VASN: variants seen among roughly 807,000 people sequenced by gnomAD.
The protein encoded by VASN is protein slit-like 2.
A neutral mutation model predicts 4.8 loss-of-function variants in VASN; 5 were observed. The observed-to-expected ratio is 1.03, with a 90% CI of 0.54 to 2.17. The LOEUF (loss-of-function observed/expected upper bound fraction) is 2.17, where lower values mean the gene tolerates loss of function less well. Ranked by LOEUF, VASN falls within the 30% of genes most tolerant of loss-of-function variation. The pLI, the probability that VASN is intolerant of heterozygous loss-of-function variation, is 0.01. For synonymous variants in VASN, 499 were observed against 460.8 expected (o/e 1.08, Z -1.06); for missense variants, 927 against 948.8 (o/e 0.98, Z 0.30).
chr16:4,374,197 G>A (rs1309339003), intron 1 of VASN, among the ~76,000 whole-genome samples: 2 of 151,712 alleles, frequency 1.3e-5, no homozygotes, highest in African/African-American at 2.4e-5. Context: ...GGGGGTGGGT[G>A]GGGGTGTTTG....
intron 1 of VASN, among the ~76,000 whole-genome samples, chr16:4,380,352 C>T (rs1214151588): frequency 6.6e-6 from 1 of 152,256 alleles, no homozygotes; most frequent in Non-Finnish European, 1.5e-5. Context: ...CCCATAGTTT[C>T]CATGTGAAGT....
rs980627203 is a variant in VASN at position 4,382,997 on chromosome 16, C to G, written c.*98C>G. 4 of 1,303,752 alleles carry G rather than the reference C, an allele frequency of 3.1e-6. No individual in the cohort carries two copies. The highest frequency in any genetic ancestry group is 3.1e-5 in the Admixed American group (1 of 32,196). 80.8% of individuals were successfully genotyped at this position (1,303,752 alleles called of 1,614,324 possible). A position where few individuals can be genotyped will look rare whatever the true frequency, so the allele number is the denominator to read the frequency against. On this transcript the variant is annotated 3_prime_UTR_variant, in exon 2 of 2. Transcript: ENST00000304735. ...CCACGTAAGTTCTCAGTCCCAACCT[C>G]GGGGATGTGTGCAGACAGGGCTGTG...
Position 4,382,582 on chromosome 16 carries a change from G to A in VASN, c.1705G>A (p.Ala569Thr). Reference sequence around the variant, plus strand: ...CTCCAACCACGCCCCAGTCACCCAGGCCCGCGAGGGCAACCTGCCGCTCCT... The same window carrying A: ...CTCCAACCACGCCCCAGTCACCCAGACCCGCGAGGGCAACCTGCCGCTCCT... ...VHSNHAPVTQ[A>T]REGNLPLLIA... Residue 569 changes from alanine (A) to threonine (T), a missense_variant, in exon 2 of 2, where the codon GCC (alanine) becomes ACC (threonine). Ala to Thr is a moderately conservative substitution (Grantham distance 58). Coordinates refer to ENST00000304735, the MANE Select transcript of VASN (RefSeq NM_138440.3). 6.3e-7 allele frequency: 1 copy of A among 1,587,658 alleles called. No individual in the cohort carries two copies. Among genetic ancestry groups the A allele is most frequent in the Non-Finnish European group, 8.6e-7 (1 of 1,169,310 alleles).
intron 1 of VASN, among the ~76,000 whole-genome samples, chr16:4,375,565 G>A (rs2054690308): frequency 1.3e-5 from 2 of 152,230 alleles, no homozygotes; most frequent in African/African-American, 2.4e-5. Flanking sequence ...TTGGCTCACT[G>A]CAAGCTCCGC....
intron 1 of VASN, among the ~76,000 whole-genome samples, chr16:4,376,068 A>G (rs572614575): frequency 6.6e-6 from 1 of 152,270 alleles, no homozygotes; most frequent in East Asian, 1.9e-4. Context: ...CCCCCGCTCA[A>G]TCACCAGCCA....
At position 4,382,911 on chromosome 16, in the gene VASN, A is replaced by T; in HGVS notation, c.*12A>T. ...AGCCCTACATCTAAGCCAGAGAGAG[A>T]CAGGGCAGCTGGGGCCGGGCTCTCA... On this transcript the variant is annotated 3_prime_UTR_variant, in exon 2 of 2. Coordinates refer to ENST00000304735, the MANE Select transcript of VASN (RefSeq NM_138440.3). The T allele has an allele frequency of 6.7e-7, 1 of 1,491,418 alleles. No homozygotes were observed. The highest frequency in any genetic ancestry group is 1.8e-4 in the Middle Eastern group (1 of 5,526). 92.4% of individuals were successfully genotyped at this position (1,491,418 alleles called of 1,614,324 possible).
intron 1 of VASN, among the ~76,000 whole-genome samples, chr16:4,378,250 G>A (rs76813374): frequency 0.076 from 11,571 of 152,226 alleles, 525 homozygotes; most frequent in African/African-American, 0.12. Flanking sequence ...TCACAGCTTG[G>A]ACACCTCTGA....
chr16:4,374,937 T>C (rs1257353955), intron 1 of VASN, among the ~76,000 whole-genome samples: 1 of 151,470 alleles, frequency 6.6e-6, no homozygotes, highest in African/African-American at 2.4e-5. Flanking sequence ...TGCTTGCCCC[T>C]GGGTGGGGAC....
At position 4,382,086 on chromosome 16, in the gene VASN, C is replaced by A; in HGVS notation, c.1209C>A (p.Val403=). Residue 403 remains valine (V), a synonymous_variant, in exon 2 of 2, where the codon GTC becomes GTA. Transcript: ENST00000304735. ...PSTAPPTVGP[V]PQPQDCPPST... ...CTGCCCCACCGACTGTAGGGCCTGT[C>A]CCCCAGCCCCAGGACTGCCCACCGT... The A allele has an allele frequency of 6.3e-7, 1 of 1,584,502 alleles. No individual in the cohort carries two copies. The highest frequency in any genetic ancestry group is 8.6e-7 in the Non-Finnish European group (1 of 1,167,188).
Position 4,382,653 on chromosome 16 carries a change from GGTGGGGGCA to G in VASN, c.1778_1786del (p.Val593_Ala595del). 1 of 1,553,672 alleles carries G rather than the reference GGTGGGGGCA, an allele frequency of 6.4e-7. No individual in the cohort carries two copies. On this transcript the variant is annotated inframe_deletion, in exon 2 of 2. Transcript: ENST00000304735. ...CGGTGCTCCTGGCCGCGCTGGCTGC[GGTGGGGGCA>G]GCCTACTGTGTGCGGCGGGGGCGGG... is the stretch of plus-strand genomic sequence containing the variant.
In VASN at chr16:4,380,395, G is replaced by A. The variant is rs569295996; in HGVS notation, c.-9-474G>A. Among the ~76,000 whole-genome samples, 13 of 152,344 alleles carry A rather than the reference G, an allele frequency of 8.5e-5. No homozygotes were observed. In the South Asian group the frequency reaches 2.5e-3, roughly 29 times the overall value. Reference sequence around the variant, plus strand: ...CTGCATTCCCTCCTCCAAGGAGGGCGGGACACGGAGCGTGGCAGCAGGAGC... The same window carrying A: ...CTGCATTCCCTCCTCCAAGGAGGGCAGGACACGGAGCGTGGCAGCAGGAGC... On this transcript the variant is annotated intron_variant, in intron 1 of 1. Transcript: ENST00000304735.
intron 1 of VASN, among the ~76,000 whole-genome samples, chr16:4,379,481 C>A (rs2054874496): frequency 6.6e-6 from 1 of 152,096 alleles, no homozygotes; most frequent in African/African-American, 2.4e-5. Flanking sequence ...AGGGCACGCA[C>A]CCTTCACAGG....
chr16:4,382,888 C>A lies in VASN; in HGVS notation c.2011C>A (p.Pro671Thr). The change falls in exon 2 of 2, where the codon CCC becomes ACC. Residue 671 changes from proline (P) to threonine (T), a missense_variant. Physicochemically the swap from Pro to Thr is conservative, Grantham distance 38 (BLOSUM62 -1). Coordinates refer to ENST00000304735, the MANE Select transcript of VASN (RefSeq NM_138440.3). ...PGLQSPLHAK[P>T]YI is the part of the protein sequence containing the mutation. The stretch of plus-strand genomic sequence containing the variant: ...CCTCCAGTCACCCCTCCACGCAAAG[C>A]CCTACATCTAAGCCAGAGAGAGACA... 6.5e-7 allele frequency: 1 copy of A among 1,529,210 alleles called. No homozygotes were observed. The highest frequency in any genetic ancestry group is 8.8e-7 in the Non-Finnish European group (1 of 1,138,988). 94.7% of individuals were successfully genotyped at this position (1,529,210 alleles called of 1,614,324 possible).
At chr16:4,380,143 G>A (rs933510944) in intron 1 of VASN, among the ~76,000 whole-genome samples, 1 of 151,488 alleles carries the variant, frequency 6.6e-6, no homozygotes, top group Non-Finnish European at 1.5e-5. Context: ...TGTAGCCAGT[G>A]TCCCCACCTG....
At position 4,381,797 on chromosome 16, in the gene VASN, G is replaced by A; in HGVS notation, c.920G>A (p.Ser307Asn). 1 of 1,600,370 alleles carries A rather than the reference G, an allele frequency of 6.2e-7. No homozygotes were observed. The highest frequency in any genetic ancestry group is 8.5e-7 in the Non-Finnish European group (1 of 1,179,346). ...RNPFNCVCPL[S>N]WFGPWVRESH... ...CCCTTCAACTGCGTGTGCCCCCTGA[G>A]CTGGTTTGGCCCCTGGGTGCGCGAG... The change falls in exon 2 of 2, where the codon AGC becomes AAC. Residue 307 changes from serine (S) to asparagine (N), a missense_variant. Physicochemically the swap from Ser to Asn is conservative, Grantham distance 46 (BLOSUM62 1). Transcript: ENST00000304735.
chr16:4,374,787 A>AG (rs1294376946), intron 1 of VASN, among the ~76,000 whole-genome samples: 1 of 152,078 alleles, frequency 6.6e-6, no homozygotes, highest in Non-Finnish European at 1.5e-5. Context: ...GAGCTTGAGA[A>AG]GGGCAAGACC....
Position 4,381,052 on chromosome 16 carries a change from G to A in VASN, c.175G>A (p.Val59Ile), listed in dbSNP as rs774558122. Reference sequence around the variant, plus strand: ...GCCACCCGACACGGTGGGGCTGTACGTCTTTGAGAACGGCATCACCATGCT... The same window carrying A: ...GCCACCCGACACGGTGGGGCTGTACATCTTTGAGAACGGCATCACCATGCT... The part of the protein sequence containing the change: ...DVPPDTVGLY[V>I]FENGITMLDA... The change falls in exon 2 of 2, where the codon GTC (valine) becomes ATC (isoleucine). Residue 59 changes from valine to isoleucine, a missense_variant. Transcript: ENST00000304735. 1.6e-5 allele frequency: 26 copies of A among 1,610,600 alleles called. No homozygotes were observed. The Admixed American group carries it at 2.3e-4, about 15-fold the overall frequency.
Position 4,382,660 on chromosome 16 carries a change from G to A in VASN, c.1783G>A (p.Ala595Thr), listed in dbSNP as rs1407583013. 1.9e-6 allele frequency: 3 copies of A among 1,551,684 alleles called. No homozygotes were observed. The highest frequency in any genetic ancestry group is 2.4e-5 in the South Asian group (2 of 84,822). The change falls in exon 2 of 2, where the codon GCA becomes ACA. Residue 595 changes from alanine (A) to threonine (T), a missense_variant. By Grantham distance (58) the Ala-to-Thr change is moderately conservative. Transcript: ENST00000304735. ...CCTGGCCGCGCTGGCTGCGGTGGGG[G>A]CAGCCTACTGTGTGCGGCGGGGGCG... ...VLLAALAAVG[A>T]AYCVRRGRAM... is the part of the protein sequence containing the mutation.
intron 1 of VASN, among the ~76,000 whole-genome samples, chr16:4,377,418 C>T (rs893330284): frequency 2.0e-5 from 3 of 152,124 alleles, no homozygotes; most frequent in African/African-American, 7.2e-5. Context: ...CACGCACACA[C>T]CAAGCACACG....
Sources: allele counts gnomAD v4.1 joint callset (sites outside exome capture counted in the v4.1 genomes callset), GRCh38; gene constraint gnomAD v4.1.1; transcripts MANE v1.5; gene names NCBI Gene and HGNC (gene_info 2026-07-23, HGNC 2026-07-21).